The following NRDE2 variants were observed in gnomAD, a reference collection of about 807,000 sequenced individuals.
NRDE2 encodes nuclear exosome regulator NRDE2.
NRDE2 carries 76 observed loss-of-function variants against 124.2 expected under a neutral mutation model. The observed-to-expected ratio is 0.61, with a 90% CI of 0.51 to 0.74. The LOEUF (loss-of-function observed/expected upper bound fraction) is 0.74. Among genes scored for constraint, NRDE2 ranks in the 30% least tolerant of loss-of-function variants. The pLI is 0.00. For synonymous variants in NRDE2, 489 were observed against 528.1 expected (o/e 0.93, Z 1.01); for missense variants, 1,314 against 1,417.3 (o/e 0.93, Z 1.17).
chr14:90,316,734 T>C lies in NRDE2; in HGVS notation c.251A>G (p.Lys84Arg). ...KLKQTSRKKK[K>R]EKKKKRKHQH... ...ATGCTTCCTTTTTTTCTTTTTCTCT[T>C]TCTTCTTTTTTCTACTTGTTTGTTT... Residue 84 changes from lysine to arginine, a missense_variant, in exon 3 of 14, where the codon AAA becomes AGA. By Grantham distance (26) the Lys-to-Arg change is conservative. Transcript: ENST00000354366. The C allele has an allele frequency of 1.2e-6, 2 of 1,613,680 alleles. No homozygotes were observed. The highest frequency in any genetic ancestry group is 1.7e-6 in the Non-Finnish European group (2 of 1,179,962).
At chr14:90,324,402 G>A (rs1056194075) in intron 1 of NRDE2, among the ~76,000 whole-genome samples, 1 of 152,066 alleles carries the variant, frequency 6.6e-6, no homozygotes. Flanking sequence ...TAGGCCGGGC[G>A]GGGTGGCTCA....
Position 90,304,089 on chromosome 14 carries a change from T to C in NRDE2, c.851A>G (p.Gln284Arg), listed in dbSNP as rs773651942. The change falls in exon 5 of 14, where the codon CAA (glutamine) becomes CGA (arginine). Residue 284 changes from glutamine to arginine, a missense_variant. Physicochemically the swap from Gln to Arg is conservative, Grantham distance 43. Coordinates refer to ENST00000354366, the MANE Select transcript of NRDE2 (RefSeq NM_017970.4). ...IYDQSTTHWL[Q>R]GQGPPEQESK... ...TTCCTGCTCTGGAGGACCCTGTCCT[T>C]GTAGCCAATGTGTGGTTGACTGATC... 3.1e-6 allele frequency: 5 copies of C among 1,614,232 alleles called. No homozygotes were observed. The highest frequency in any genetic ancestry group is 1.6e-4 in the Middle Eastern group (1 of 6,062).
intron 11 of NRDE2, among the ~76,000 whole-genome samples, chr14:90,286,990 C>T (rs1390780653): frequency 4.4e-5 from 6 of 135,440 alleles, no homozygotes; most frequent in East Asian, 2.1e-4. Context: ...GCTGAGATCA[C>T]GCCACTGCAT....
chr14:90,285,641 T>C (rs971235631), intron 12 of NRDE2, among the ~76,000 whole-genome samples: 8 of 151,798 alleles, frequency 5.3e-5, no homozygotes, highest in Non-Finnish European at 1.0e-4. Flanking sequence ...AGATTACATT[T>C]TTTTTTTAAG....
intron 1 of NRDE2, among the ~76,000 whole-genome samples, chr14:90,330,222 T>TA (rs1555362766): frequency 2.1e-5 from 3 of 141,648 alleles, no homozygotes; most frequent in East Asian, 4.1e-4. Context: ...AAAAAATAAA[T>TA]AAATAAATAA....
intron 1 of NRDE2, among the ~76,000 whole-genome samples, chr14:90,330,640 G>A (rs750780197): frequency 6.6e-6 from 1 of 151,910 alleles, no homozygotes; most frequent in South Asian, 2.1e-4. Flanking sequence ...GTGAGACCTC[G>A]TCTCTACTAA....
chr14:90,288,847 G>A lies in NRDE2; in HGVS notation c.2528C>T (p.Thr843Ile), dbSNP rs753974189. The change falls in exon 11 of 14, where the codon ACA (threonine) becomes ATA (isoleucine). Residue 843 changes from threonine to isoleucine, a missense_variant. Thr to Ile is a moderately conservative substitution (Grantham distance 89). Coordinates refer to ENST00000354366, the MANE Select transcript of NRDE2 (RefSeq NM_017970.4). The stretch of plus-strand genomic sequence containing the variant: ...GGTTAATATGTGAACAGCTCGAGCT[G>A]TGGCAGCCCTTCTCACTTCTGGCGA... ...ELSPEVRRAA[T>I]ARAVHILTKL... 37 of 1,614,034 alleles carry A rather than the reference G, an allele frequency of 2.3e-5. No individual in the cohort carries two copies. Among genetic ancestry groups the A allele is most frequent in the Non-Finnish European group, 3.0e-5 (35 of 1,180,046 alleles).
chr14:90,292,620 A>AT, intron 9 of NRDE2, 77 bp downstream of exon 9: 1 of 1,506,156 alleles, frequency 6.6e-7, no homozygotes, highest in Non-Finnish European at 9.0e-7. Context: ...CTCCTTTCAG[A>AT]TAACCAAAGC....
chr14:90,274,809 CACACACA>C lies in NRDE2; in HGVS notation c.*3520_*3526del, dbSNP rs1566678014. ...AACTACACACACACACACACACACA[CACACACA>C]CACACACACACACACACACACACCC... On this transcript the variant is annotated 3_prime_UTR_variant, in exon 14 of 14. Coordinates refer to ENST00000354366, the MANE Select transcript of NRDE2 (RefSeq NM_017970.4). 2 of 68,214 alleles carry C rather than the reference CACACACA, an allele frequency of 2.9e-5. No individual in the cohort carries two copies. The highest frequency in any genetic ancestry group is 1.0e-3 in the South Asian group (2 of 1,980). 4.2% of individuals were successfully genotyped at this position (68,214 alleles called of 1,614,324 possible). A position where few individuals can be genotyped will look rare whatever the true frequency, so the allele number is the denominator to read the frequency against.
chr14:90,321,077 A>C (rs1885223505), intron 1 of NRDE2, among the ~76,000 whole-genome samples: 1 of 152,218 alleles, frequency 6.6e-6, no homozygotes, highest in South Asian at 2.1e-4. Flanking sequence ...AAAAGATGGA[A>C]CAAACAGTAT....
rs1891871209 is a variant in NRDE2 at position 90,278,762 on chromosome 14, C to G, written c.3369+300G>C. 1.5e-5 allele frequency: 8 copies of G among 534,702 alleles called. No individual in the cohort carries two copies. The South Asian group carries it at 2.0e-4, about 13-fold the overall frequency. The allele number at this position is 534,702 out of a possible 1,614,324, so 33.1% of individuals were successfully genotyped here. On this transcript the variant is annotated intron_variant, in intron 13 of 13. Coordinates refer to ENST00000354366, the MANE Select transcript of NRDE2 (RefSeq NM_017970.4). ...TGTCACCTGACCTGGGCTCTCACAG[C>G]CAGGCTGGGACATGATCCCAACTCT...
At chr14:90,325,994 G>A (rs1019771935) in intron 1 of NRDE2, among the ~76,000 whole-genome samples, 4 of 151,962 alleles carry the variant, frequency 2.6e-5, no homozygotes, top group Non-Finnish European at 4.4e-5. Context: ...TTTTTATACT[G>A]TAAGGCAAAA....
intron 3 of NRDE2, among the ~76,000 whole-genome samples, chr14:90,313,390 T>C (rs1884923271): frequency 1.3e-5 from 2 of 152,086 alleles, no homozygotes; most frequent in Admixed American, 6.6e-5. Flanking sequence ...CCTGCCAAAG[T>C]GCTGGGATTA....
At chr14:90,280,471 C>T (rs1891923540) in intron 12 of NRDE2, 1 of 152,322 alleles carries the variant, frequency 6.6e-6, no homozygotes, top group Non-Finnish European at 1.5e-5. Context: ...ACTTCAGTGT[C>T]CTTTCCTAAG....
rs1399960559 is a variant in NRDE2, at chr14:90,276,151, G to A, written c.*2185C>T. On this transcript the variant is annotated 3_prime_UTR_variant, in exon 14 of 14. Coordinates refer to ENST00000354366, the MANE Select transcript of NRDE2 (RefSeq NM_017970.4). ...AACCCCCTTCTCAGCCCTCCAAGCT[G>A]ACGGTTAGTCTTGGGAGGCACGTAG... The A allele has an allele frequency of 6.6e-6, 1 of 151,754 alleles. No homozygotes were observed. Among genetic ancestry groups the A allele is most frequent in the Non-Finnish European group, 1.5e-5 (1 of 68,008 alleles). 9.4% of individuals were successfully genotyped at this position (151,754 alleles called of 1,614,324 possible). A position where few individuals can be genotyped will look rare whatever the true frequency, so the allele number is the denominator to read the frequency against.
chr14:90,297,032 G>C (rs942903113), intron 8 of NRDE2, among the ~76,000 whole-genome samples: 1 of 151,810 alleles, frequency 6.6e-6, no homozygotes, highest in Non-Finnish European at 1.5e-5. Context: ...CCAGCTACTT[G>C]GGAGGCTGAG....
intron 10 of NRDE2, 117 bp from the exon 11 acceptor site, chr14:90,289,262 G>A (rs187475869): frequency 1.6e-5 from 13 of 814,864 alleles, no homozygotes; most frequent in Admixed American, 7.4e-5. Flanking sequence ...CCTTTATCAC[G>A]GGTCTGGTAA....
At position 90,298,369 on chromosome 14, in the gene NRDE2, A is replaced by C. The variant is rs1473169279; in HGVS notation, c.1557T>G (p.Phe519Leu). The change falls in exon 8 of 14, where the codon TTT becomes TTG. Residue 519 changes from phenylalanine to leucine, a missense_variant. Phe to Leu is a conservative substitution (Grantham distance 22, BLOSUM62 0). Coordinates refer to ENST00000354366, the MANE Select transcript of NRDE2 (RefSeq NM_017970.4). Reference protein sequence around the residue: ...DLPTKGQVEFFEPFWDSGEPR... With the variant: ...DLPTKGQVEFLEPFWDSGEPR... ...GCTCTCCACTGTCCCAAAAGGGTTC[A>C]AAGAATTCCACCTGTTCAGATTTTA... is the stretch of plus-strand genomic sequence containing the variant. The C allele has an allele frequency of 1.7e-5, 27 of 1,613,820 alleles. No individual in the cohort carries two copies. Among genetic ancestry groups the C allele is most frequent in the Non-Finnish European group, 2.3e-5 (27 of 1,180,020 alleles).
At chr14:90,330,148 A>G (rs1885616637) in intron 1 of NRDE2, among the ~76,000 whole-genome samples, 1 of 151,646 alleles carries the variant, frequency 6.6e-6, no homozygotes, top group African/African-American at 2.4e-5. Flanking sequence ...CGAAGGCTGC[A>G]GTGAGCCAAG....
Sources: gnomAD v4.1 joint callset for allele counts (sites outside exome capture counted in the v4.1 genomes callset) on GRCh38, gnomAD v4.1.1 for gene constraint, MANE v1.5 for transcripts, NCBI Gene and HGNC (gene_info 2026-07-23, HGNC 2026-07-21) for gene names.